The following BCL2L15 variants were observed in gnomAD, a reference collection of about 807,000 sequenced individuals.
BCL2L15 encodes BCL2 like 15.
A neutral mutation model predicts 18.3 loss-of-function variants in BCL2L15; 15 were observed. The ratio of observed to expected loss-of-function variants is 0.82; its 90% CI spans 0.55 to 1.26. The LOEUF (loss-of-function observed/expected upper bound fraction) is 1.26, where lower values mean the gene tolerates loss of function less well. BCL2L15 is among the 50% of genes most tolerant of loss of function. BCL2L15 has a pLI of 0.00. For synonymous variants in BCL2L15, 58 were observed against 68.5 expected, an observed-to-expected ratio of 0.85 and a Z score of 0.76; for missense variants, 180 against 201.7, an observed-to-expected ratio of 0.89 and a Z score of 0.65.
intron 2 of BCL2L15, among the ~76,000 whole-genome samples, chr1:113,885,915 A>C (rs959460470): frequency 4.0e-5 from 6 of 151,766 alleles, no homozygotes; most frequent in Admixed American, 3.3e-4. Context: ...ATCTCAAAAA[A>C]AAAAAGCATA....
chr1:113,878,403 A>G lies in BCL2L15; in HGVS notation c.*2720T>C, dbSNP rs1005944227. The G allele has an allele frequency of 1.3e-5, 2 of 152,338 alleles. No individual in the cohort carries two copies. The highest frequency in any genetic ancestry group is 2.9e-5 in the Non-Finnish European group (2 of 68,032). 9.4% of individuals were successfully genotyped at this position (152,338 alleles called of 1,614,324 possible). A position where few individuals can be genotyped will look rare whatever the true frequency, so the allele number is the denominator to read the frequency against. On this transcript the variant is annotated 3_prime_UTR_variant, in exon 4 of 4. Coordinates refer to ENST00000393316, the MANE Select transcript of BCL2L15 (RefSeq NM_001010922.3). ...GCAGCCCAATCACTTAAGCTCTCCT[A>G]AGATAGAGTCTCTTAAAATACACAA...
At chr1:113,885,760 G>T (rs891007989) in intron 2 of BCL2L15, among the ~76,000 whole-genome samples, 3 of 152,092 alleles carry the variant, frequency 2.0e-5, no homozygotes, top group Non-Finnish European at 4.4e-5. Flanking sequence ...CCGCCCAGAT[G>T]GGCCAGGCGC....
At chr1:113,881,165 C>A in intron 3 of BCL2L15, 25 bp from the exon 4 acceptor site, 1 of 1,613,968 alleles carries the variant, frequency 6.2e-7, no homozygotes, top group Non-Finnish European at 8.5e-7. Context: ...GAAAATCCTA[C>A]AGTCAAAGGA....
intron 2 of BCL2L15, among the ~76,000 whole-genome samples, chr1:113,885,269 T>A (rs926780223): frequency 2.0e-5 from 3 of 150,994 alleles, no homozygotes; most frequent in Non-Finnish European, 4.4e-5. Context: ...AAAAAAAATA[T>A]GTTTAATGAG....
chr1:113,882,490 C>CA (rs1424358678), intron 2 of BCL2L15, among the ~76,000 whole-genome samples: 7 of 151,520 alleles, frequency 4.6e-5, no homozygotes, highest in African/African-American at 1.7e-4. Flanking sequence ...ACTAAAAATA[C>CA]AAAAATTAGC....
Position 113,887,189 on chromosome 1 carries a change from C to A in BCL2L15, c.127+60G>T. 5.9e-6 allele frequency: 9 copies of A among 1,517,656 alleles called. No individual in the cohort carries two copies. The Admixed American group carries it at 6.9e-5, about 12-fold the overall frequency. 94.0% of individuals were successfully genotyped at this position (1,517,656 alleles called of 1,614,324 possible). A position where few individuals can be genotyped will look rare whatever the true frequency, so the allele number is the denominator to read the frequency against. ...CTGGGATTACGGGAATCAGTCACTG[C>A]GCCCGGCTGAAAACATACTCTTATT... On this transcript the variant is annotated intron_variant, in intron 1 of 3. Transcript: ENST00000393316.
rs866570864 is a variant in BCL2L15 at position 113,877,267 on chromosome 1, T to G, written c.*3856A>C. Among the ~76,000 whole-genome samples the G allele has an allele frequency of 2.2e-4, 33 of 151,504 alleles. No individual in the cohort carries two copies. The highest frequency in any genetic ancestry group is 1.5e-4 in the Non-Finnish European group (10 of 67,938). ...ATATAGGGCAGTTAGGGCCAGATAC[T>G]GGGGGAATTTGAATATCAGACTGTT... On this transcript the variant is annotated 3_prime_UTR_variant, in exon 4 of 4. Coordinates refer to ENST00000393316, the MANE Select transcript of BCL2L15 (RefSeq NM_001010922.3).
Position 113,886,927 on chromosome 1 carries a change from A to C in BCL2L15, c.128-269T>G, listed in dbSNP as rs934189501. 4.1e-4 allele frequency among the ~76,000 whole-genome samples: 62 copies of C among 149,898 alleles called. 1 individual carries two copies. Among genetic ancestry groups the C allele is most frequent in the Non-Finnish European group, 1.2e-4 (8 of 67,458 alleles). On this transcript the variant is annotated intron_variant, in intron 1 of 3. Coordinates refer to ENST00000393316, the MANE Select transcript of BCL2L15 (RefSeq NM_001010922.3). The stretch of plus-strand genomic sequence containing the variant: ...TACTGTTTTTTTTTTTTTGAGACCG[A>C]GTCTCTGTCGCCCAGACTGGAGTGC...
intron 3 of BCL2L15, chr1:113,881,569 T>A: frequency 1.4e-6 from 2 of 1,413,460 alleles, no homozygotes; most frequent in Non-Finnish European, 1.8e-6. Flanking sequence ...TAAGGTAGCA[T>A]GACTCGAGTC....
In BCL2L15 at chr1:113,880,997, A is replaced by C. The variant is rs911848001; in HGVS notation, c.*126T>G. The C allele has an allele frequency of 3.8e-6, 5 of 1,324,816 alleles. No homozygotes were observed. The African/African-American group carries it at 4.4e-5, about 12-fold the overall frequency. The allele number at this position is 1,324,816 out of a possible 1,614,324, so 82.1% of individuals were successfully genotyped here. A position where few individuals can be genotyped will look rare whatever the true frequency, so the allele number is the denominator to read the frequency against. Reference sequence around the variant, plus strand: ...ACAATCAGTAAAAAATAACTTATTCAGCTAAGTTCAGTTCTGATAAAATGA... The same window carrying C: ...ACAATCAGTAAAAAATAACTTATTCCGCTAAGTTCAGTTCTGATAAAATGA... On this transcript the variant is annotated 3_prime_UTR_variant, in exon 4 of 4. Coordinates refer to ENST00000393316, the MANE Select transcript of BCL2L15 (RefSeq NM_001010922.3).
rs745947845 is a variant in BCL2L15, at chr1:113,881,846, A to ATGTGAG, written c.400_401insCTCACA (p.Val134delinsAlaHisMet). The ATGTGAG allele has an allele frequency of 3.1e-6, 5 of 1,614,206 alleles. No homozygotes were observed. In the South Asian group the frequency reaches 5.5e-5, roughly 18 times the overall value. Reference sequence around the variant, plus strand: ...GATCATACCCGTCATGGGGATAGCCACCTGTCCCACTACTTCAGGAGCAAT... The same window carrying ATGTGAG: ...GATCATACCCGTCATGGGGATAGCCATGTGAGCCTGTCCCACTACTTCAGGAGCAAT... On this transcript the variant is annotated protein_altering_variant, in exon 3 of 4. Transcript: ENST00000393316.
intron 2 of BCL2L15, among the ~76,000 whole-genome samples, chr1:113,885,033 C>G (rs1011527771): frequency 6.6e-6 from 1 of 151,950 alleles, no homozygotes; most frequent in Non-Finnish European, 1.5e-5. Context: ...TTCACTGCAA[C>G]CTCCTTCTGC....
Position 113,881,092 on chromosome 1 carries a change from G to A in BCL2L15, c.*31C>T, listed in dbSNP as rs763312049. ...TCACCCAATCAGTCAACAAGGAAGT[G>A]ATGTTCAGTCTCGTGAATAGCTCCA... On this transcript the variant is annotated 3_prime_UTR_variant, in exon 4 of 4. Transcript: ENST00000393316. 3.9e-5 allele frequency: 63 copies of A among 1,613,998 alleles called. No homozygotes were observed. The highest frequency in any genetic ancestry group is 1.6e-4 in the Middle Eastern group (1 of 6,084).
At chr1:113,881,500 T>G (rs1666877761) in intron 3 of BCL2L15, 1 of 1,359,978 alleles carries the variant, frequency 7.4e-7, no homozygotes, top group East Asian at 2.8e-5. Flanking sequence ...GAATATACTT[T>G]ATAGATGATT....
intron 2 of BCL2L15, among the ~76,000 whole-genome samples, chr1:113,886,174 C>G (rs1411787500): frequency 1.3e-5 from 2 of 148,236 alleles, no homozygotes. Flanking sequence ...TGAGATCACA[C>G]CACTGCACTT....
chr1:113,886,467 G>A, intron 2 of BCL2L15, 70 bp downstream of exon 2: 2 of 1,465,242 alleles, frequency 1.4e-6, no homozygotes, highest in Admixed American at 4.2e-5. Flanking sequence ...TGTAGTATGG[G>A]AGTAGTAAGA....
rs1457935724 is a variant in BCL2L15 at position 113,880,760 on chromosome 1, A to G, written c.*363T>C. The G allele has an allele frequency of 4.5e-6, 1 of 223,012 alleles. No homozygotes were observed. The highest frequency in any genetic ancestry group is 8.8e-6 in the Non-Finnish European group (1 of 113,892). The allele number at this position is 223,012 out of a possible 1,614,324, so 13.8% of individuals were successfully genotyped here. ...GTTTCCATTGTTCTCCCTTTCTCTC[A>G]AAATACCTCCAGCAAAGGCCTGCCC... On this transcript the variant is annotated 3_prime_UTR_variant, in exon 4 of 4. Transcript: ENST00000393316.
rs1266866835 is a variant in BCL2L15, at chr1:113,881,788, C to G, written c.459G>C (p.Gln153His). 6.2e-7 allele frequency: 1 copy of G among 1,614,130 alleles called. No individual in the cohort carries two copies. The highest frequency in any genetic ancestry group is 1.1e-5 in the South Asian group (1 of 91,080). Residue 153 changes from glutamine (Q) to histidine (H), a missense_variant, in exon 3 of 4, where the codon CAG (glutamine) becomes CAC (histidine). Gln to His is a conservative substitution (Grantham distance 24). Transcript: ENST00000393316. ...ACAAACTTACCCAACCTCCCTGGCC[C>G]TGGATGAACTCCCGGATGGCTTGGT... ...NGNQAIREFI[Q>H]GQGGWENLES
intron 2 of BCL2L15, among the ~76,000 whole-genome samples, chr1:113,886,137 G>C (rs1667026408): frequency 6.7e-6 from 1 of 149,200 alleles, no homozygotes; most frequent in African/African-American, 2.5e-5. Context: ...GATCGCTTGA[G>C]CCCAGGAGGT....
Sources: allele counts gnomAD v4.1 joint callset (sites outside exome capture counted in the v4.1 genomes callset), GRCh38; gene constraint gnomAD v4.1.1; transcripts MANE v1.5; gene names NCBI Gene and HGNC (gene_info 2026-07-23, HGNC 2026-07-21).